The following APBB2 variants were observed in gnomAD, a reference collection of about 807,000 sequenced individuals.
APBB2 encodes the protein amyloid beta precursor protein binding family B member 2.
In APBB2, 38 loss-of-function variants were observed where a neutral mutation model predicts 82.5. The ratio of observed to expected loss-of-function variants is 0.46; its 90% CI spans 0.36 to 0.60. The LOEUF is 0.60. Among genes scored for constraint, APBB2 ranks in the 20% least tolerant of loss-of-function variants. APBB2 has a pLI of 0.00. For synonymous variants in APBB2, 341 were observed against 368.2 expected, an observed-to-expected ratio of 0.93 and a Z score of 0.85; for missense variants, 772 against 972.3, an observed-to-expected ratio of 0.79 and a Z score of 2.74.
chr4:40,912,050 A>G (rs1389724189), intron 10 of APBB2, among the ~76,000 whole-genome samples: 2 of 152,266 alleles, frequency 1.3e-5, no homozygotes, highest in Admixed American at 1.3e-4. Context: ...ACAAGCACAG[A>G]ATGCAATAAT....
At chr4:40,855,305 C>T (rs558402627) in intron 12 of APBB2, among the ~76,000 whole-genome samples, 1 of 152,200 alleles carries the variant, frequency 6.6e-6, no homozygotes, top group East Asian at 1.9e-4. Context: ...CACTTAATCA[C>T]CAGCACCAAT....
At chr4:40,946,479 C>T (rs1035532856) in intron 6 of APBB2, among the ~76,000 whole-genome samples, 8 of 152,134 alleles carry the variant, frequency 5.3e-5, no homozygotes, top group Non-Finnish European at 8.8e-5. Context: ...CTAGACAATT[C>T]CCATCATATC....
At chr4:41,177,967 T>A (rs1377179956) in intron 1 of APBB2, among the ~76,000 whole-genome samples, 1 of 152,140 alleles carries the variant, frequency 6.6e-6, no homozygotes, top group African/African-American at 2.4e-5. Context: ...CACTTTGGAT[T>A]TCAGATTTTC....
intron 6 of APBB2, among the ~76,000 whole-genome samples, chr4:40,975,753 A>AACACAC (rs368424451): frequency 0.064 from 9,107 of 141,990 alleles, 333 homozygotes; most frequent in African/African-American, 0.082. Context: ...GTAGTAAGAA[A>AACACAC]ACACACACAC....
chr4:40,964,160 T>C (rs146357477), intron 6 of APBB2, among the ~76,000 whole-genome samples: 10 of 152,152 alleles, frequency 6.6e-5, no homozygotes, highest in African/African-American at 2.4e-4. Flanking sequence ...GCTCTGCTGA[T>C]AGAACAAGAA....
intron 10 of APBB2, among the ~76,000 whole-genome samples, chr4:40,921,871 T>G (rs1338984326): frequency 6.6e-6 from 1 of 152,138 alleles, no homozygotes; most frequent in Non-Finnish European, 1.5e-5. Flanking sequence ...ACCTGACCAT[T>G]GGTAATGTGG....
At chr4:40,844,527 T>A (rs1756948395) in intron 12 of APBB2, among the ~76,000 whole-genome samples, 1 of 152,222 alleles carries the variant, frequency 6.6e-6, no homozygotes, top group Non-Finnish European at 1.5e-5. Flanking sequence ...GGAAGGACAG[T>A]CACCTGGGGG....
intron 1 of APBB2, among the ~76,000 whole-genome samples, chr4:41,147,936 T>G (rs1417595603): frequency 1.3e-5 from 2 of 152,158 alleles, no homozygotes; most frequent in African/African-American, 4.8e-5. Context: ...GAACCATTGA[T>G]TTACTGCATT....
chr4:41,099,290 G>A (rs1461339052), intron 3 of APBB2, among the ~76,000 whole-genome samples: 4 of 151,920 alleles, frequency 2.6e-5, no homozygotes, highest in South Asian at 4.2e-4. Flanking sequence ...GTGCAGTGGC[G>A]CAATCTTGGC....
chr4:40,952,323 C>T (rs1219284623), intron 6 of APBB2, among the ~76,000 whole-genome samples: 1 of 152,130 alleles, frequency 6.6e-6, no homozygotes, highest in African/African-American at 2.4e-5. Flanking sequence ...TCTACCCCAC[C>T]TGCCTTGCTG....
At chr4:40,823,837 C>T (rs1748855492) in intron 15 of APBB2, 78 bp from the exon 16 acceptor site, 2 of 840,030 alleles carry the variant, frequency 2.4e-6, no homozygotes, top group Non-Finnish European at 4.0e-6. Flanking sequence ...TCACCAATAA[C>T]AGCTACGCCC....
chr4:40,930,697 T>C (rs1784022029), intron 10 of APBB2, among the ~76,000 whole-genome samples: 1 of 152,208 alleles, frequency 6.6e-6, no homozygotes, highest in Non-Finnish European at 1.5e-5. Context: ...TAAGTAATCA[T>C]TCCTCACAGA....
chr4:41,031,210 G>C (rs1302332596), intron 5 of APBB2, among the ~76,000 whole-genome samples: 4 of 152,074 alleles, frequency 2.6e-5, no homozygotes, highest in African/African-American at 7.3e-5. Context: ...GGGTGTCAGA[G>C]CAAGACTCTG....
At chr4:40,902,489 GAA>G (rs1775590197) in intron 10 of APBB2, among the ~76,000 whole-genome samples, 7 of 152,172 alleles carry the variant, frequency 4.6e-5, no homozygotes, top group Admixed American at 4.6e-4. Flanking sequence ...AGGCAGGACT[GAA>G]TGACTTGTGA....
intron 10 of APBB2, among the ~76,000 whole-genome samples, chr4:40,913,407 C>A (rs1165117728): frequency 2.6e-5 from 4 of 152,192 alleles, no homozygotes; most frequent in African/African-American, 9.7e-5. Flanking sequence ...TACTCTCTAC[C>A]CTAAAATGTG....
chr4:41,065,505 A>G (rs898821456), intron 4 of APBB2, 71 bp downstream of exon 4: 1 of 152,182 alleles, frequency 6.6e-6, no homozygotes, highest in African/African-American at 2.4e-5. Flanking sequence ...TTACCAATTC[A>G]GTACTCTTGT....
At chr4:41,146,086 G>A (rs1760631334) in intron 1 of APBB2, among the ~76,000 whole-genome samples, 2 of 152,028 alleles carry the variant, frequency 1.3e-5, no homozygotes, top group South Asian at 4.2e-4. Flanking sequence ...AGCACTCTGG[G>A]AGGCTGAAGC....
intron 12 of APBB2, among the ~76,000 whole-genome samples, chr4:40,855,274 C>T (rs1358924616): frequency 6.6e-6 from 1 of 152,210 alleles, no homozygotes; most frequent in Non-Finnish European, 1.5e-5. Context: ...AGGAAGAAGA[C>T]ACCTGTTGTA....
At chr4:41,149,932 G>A (rs948751542) in intron 1 of APBB2, among the ~76,000 whole-genome samples, 2 of 152,140 alleles carry the variant, frequency 1.3e-5, no homozygotes, top group East Asian at 3.9e-4. Flanking sequence ...CCATGACTGT[G>A]AGGCCTCCCC....
Sources: allele counts gnomAD v4.1 joint callset (sites outside exome capture counted in the v4.1 genomes callset), GRCh38; gene constraint gnomAD v4.1.1; transcripts MANE v1.5; gene names NCBI Gene and HGNC (gene_info 2026-07-23, HGNC 2026-07-21).